CAMK2D: variants seen among roughly 807,000 people sequenced by gnomAD.
The protein encoded by CAMK2D is calcium/calmodulin dependent protein kinase II delta.
In CAMK2D, 37 loss-of-function variants were observed where a neutral mutation model predicts 84.0. The ratio of observed to expected loss-of-function variants is 0.44; its 90% CI spans 0.34 to 0.58. CAMK2D has a LOEUF of 0.58. Among genes scored for constraint, CAMK2D ranks in the 20% least tolerant of loss-of-function variants. The pLI, the probability that CAMK2D is intolerant of heterozygous loss-of-function variation, is 0.02. For missense variants in CAMK2D, 448 were observed against 652.5 expected (o/e 0.69, Z 3.41); for synonymous variants, 202 against 212.5 (o/e 0.95, Z 0.43).
At chr4:113,652,109 C>T (rs1443431113) in intron 3 of CAMK2D, among the ~76,000 whole-genome samples, 1 of 152,168 alleles carries the variant, frequency 6.6e-6, no homozygotes, top group Non-Finnish European at 1.5e-5. Context: ...AGCAGCGATA[C>T]AGTGCAGTAT....
intron 2 of CAMK2D, among the ~76,000 whole-genome samples, chr4:113,677,067 C>A (rs915250122): frequency 6.6e-6 from 1 of 152,178 alleles, no homozygotes; most frequent in African/African-American, 2.4e-5. Flanking sequence ...GCCTTTAGAA[C>A]CTTTGTGCAT....
chr4:113,488,174 T>A (rs140809625), intron 16 of CAMK2D, among the ~76,000 whole-genome samples: 12 of 152,230 alleles, frequency 7.9e-5, no homozygotes, highest in Non-Finnish European at 1.5e-4. Flanking sequence ...TGGACAATTT[T>A]TGTTAGGTAA....
At chr4:113,472,754 C>T (rs921141914) in intron 16 of CAMK2D, among the ~76,000 whole-genome samples, 1 of 152,194 alleles carries the variant, frequency 6.6e-6, no homozygotes, top group African/African-American at 2.4e-5. Flanking sequence ...GCCTAAAAAG[C>T]ACTTATTCAA....
intron 2 of CAMK2D, among the ~76,000 whole-genome samples, chr4:113,717,893 TA>T (rs2099518508): frequency 6.6e-6 from 1 of 152,112 alleles, no homozygotes; most frequent in Admixed American, 6.6e-5. Context: ...TTTATGCTGT[TA>T]ACCATTAGAT....
intron 10 of CAMK2D, among the ~76,000 whole-genome samples, chr4:113,514,186 G>A (rs1038170567): frequency 4.6e-5 from 7 of 152,136 alleles, no homozygotes; most frequent in Admixed American, 1.3e-4. Context: ...AGGCCAAGGC[G>A]GGTGGATCAC....
intron 2 of CAMK2D, among the ~76,000 whole-genome samples, chr4:113,665,879 C>T (rs2099255328): frequency 6.6e-6 from 1 of 152,178 alleles, no homozygotes; most frequent in African/African-American, 2.4e-5. Flanking sequence ...TTGGTTTTGA[C>T]ATGAAGTCAG....
chr4:113,463,007 ACTTCTT>A (rs374636849), intron 17 of CAMK2D, among the ~76,000 whole-genome samples: 1,711 of 152,260 alleles, frequency 0.011, 15 homozygotes, highest in South Asian at 0.019. Flanking sequence ...CTGAAAACAG[ACTTCTT>A]CTTAACTCCA....
At chr4:113,717,909 C>A (rs917244785) in intron 2 of CAMK2D, among the ~76,000 whole-genome samples, 3 of 152,002 alleles carry the variant, frequency 2.0e-5, no homozygotes, top group Middle Eastern at 3.2e-3. Context: ...TTAGATATAT[C>A]ATGCTCTTGA....
In CAMK2D at chr4:113,621,078, C is replaced by A. The variant is rs558186321; in HGVS notation, c.221-11872G>T. Among the ~76,000 whole-genome samples, 14 of 152,146 alleles carry A rather than the reference C, an allele frequency of 9.2e-5. No homozygotes were observed. The South Asian group carries it at 2.9e-3, about 32-fold the overall frequency. On this transcript the variant is annotated intron_variant, in intron 3 of 20. Transcript: ENST00000511664. ...TCCAGTTACTAGAGGCACACACCAC[C>A]ACACCTGGATAATTTTTTGTTTTTG...
chr4:113,713,677 C>T (rs1466013755), intron 2 of CAMK2D, among the ~76,000 whole-genome samples: 1 of 151,286 alleles, frequency 6.6e-6, no homozygotes, highest in African/African-American at 2.4e-5. Flanking sequence ...TAATTACTGA[C>T]AACTTCAATC....
chr4:113,761,366 A>G lies in CAMK2D; in HGVS notation c.-298T>C, dbSNP rs112968731. 10 of 1,343,412 alleles carry G rather than the reference A, an allele frequency of 7.4e-6. No homozygotes were observed. Among genetic ancestry groups the G allele is most frequent in the African/African-American group, 4.4e-5 (3 of 67,660 alleles). The allele number at this position is 1,343,412 out of a possible 1,614,324, so 83.2% of individuals were successfully genotyped here. ...GCCCCTTTTCCAGTCCCTGTCCCCA[A>G]ATGCAGGGGGTAAAGTACTCAAGAA... On this transcript the variant is annotated 5_prime_UTR_variant, in exon 1 of 21. Transcript: ENST00000511664.
Position 113,569,901 on chromosome 4 carries a change from G to A in CAMK2D, c.276-17805C>T, listed in dbSNP as rs763990857. Among the ~76,000 whole-genome samples, 31 of 152,132 alleles carry A rather than the reference G, an allele frequency of 2.0e-4. 1 individual carries two copies. The highest frequency in any genetic ancestry group is 9.8e-4 in the Admixed American group (15 of 15,278). On this transcript the variant is annotated intron_variant, in intron 4 of 20. Coordinates refer to ENST00000511664, the MANE Select transcript of CAMK2D (RefSeq NM_001321571.2). ...TCTTTATGGTGAATATAATCGAGATGATTAAGAATATAGTTCTGCTAATAA... is the reference window on the plus strand; with the variant it reads ...TCTTTATGGTGAATATAATCGAGATAATTAAGAATATAGTTCTGCTAATAA...
intron 2 of CAMK2D, among the ~76,000 whole-genome samples, chr4:113,744,952 A>C (rs17636510): frequency 0.02 from 2,993 of 152,216 alleles, 127 homozygotes; most frequent in East Asian, 0.18. Context: ...TCAGTTCTTG[A>C]TTCTCACTTC....
Position 113,639,909 on chromosome 4 carries a change from C to A in CAMK2D, c.220+21804G>T, listed in dbSNP as rs183310314. Among the ~76,000 whole-genome samples, 277 of 152,210 alleles carry A rather than the reference C, an allele frequency of 1.8e-3. 1 individual carries two copies. The highest frequency in any genetic ancestry group is 5.3e-3 in the African/African-American group (221 of 41,544). On this transcript the variant is annotated intron_variant, in intron 3 of 20. Transcript: ENST00000511664. The stretch of plus-strand genomic sequence containing the variant: ...AGATCCGAGTTGCATTTTTAAAAAA[C>A]CCCATTCTTCATAGCAAAGGGAAGA...
intron 4 of CAMK2D, among the ~76,000 whole-genome samples, chr4:113,568,324 C>A (rs1211338091): frequency 2.0e-5 from 3 of 152,156 alleles, no homozygotes; most frequent in Admixed American, 2.0e-4. Flanking sequence ...TGGAACCATT[C>A]AATATTTGTG....
chr4:113,722,475 T>C (rs1359265893), intron 2 of CAMK2D, among the ~76,000 whole-genome samples: 3 of 152,174 alleles, frequency 2.0e-5, no homozygotes, highest in Non-Finnish European at 2.9e-5. Context: ...AGTAGCTGAC[T>C]GAGGCCAAAA....
intron 5 of CAMK2D, 124 bp from the exon 6 acceptor site, chr4:113,547,840 C>G: frequency 1.9e-6 from 1 of 517,456 alleles, no homozygotes; most frequent in South Asian, 3.1e-5. Context: ...GTACCACCTT[C>G]AGTCATGTAA....
rs2099232967 is a variant in CAMK2D, at chr4:113,661,683, AT to A, written c.220+29del. On this transcript the variant is annotated intron_variant, in intron 3 of 20. Coordinates refer to ENST00000511664, the MANE Select transcript of CAMK2D (RefSeq NM_001321571.2). ...AAATAACATAAAATTTTAAATTAAC[AT>A]TTAAAAAACATTAAAAATACGTTCT... 8.5e-6 allele frequency: 9 copies of A among 1,063,838 alleles called. 1 individual carries two copies. Among genetic ancestry groups the A allele is most frequent in the African/African-American group, 3.2e-5 (2 of 62,702 alleles). 65.9% of individuals were successfully genotyped at this position (1,063,838 alleles called of 1,614,324 possible). A position where few individuals can be genotyped will look rare whatever the true frequency, so the allele number is the denominator to read the frequency against.
rs371365126 is a variant in CAMK2D at position 113,679,873 on chromosome 4, G to T, written c.161-18101C>A. Among the ~76,000 whole-genome samples the T allele has an allele frequency of 1.1e-4, 16 of 152,206 alleles. No homozygotes were observed. In the South Asian group the frequency reaches 3.3e-3, roughly 32 times the overall value. On this transcript the variant is annotated intron_variant, in intron 2 of 20. Transcript: ENST00000511664. ...GAAAGGAAGAAAGGCCTCTCACAAT[G>T]ATTTATTTGAAGACAGCTAAAGAAA...
Sources: gnomAD v4.1 joint callset for allele counts (sites outside exome capture counted in the v4.1 genomes callset) on GRCh38, gnomAD v4.1.1 for gene constraint, MANE v1.5 for transcripts, NCBI Gene and HGNC (gene_info 2026-07-23, HGNC 2026-07-21) for gene names.